SHISA9: variants seen among roughly 807,000 people sequenced by gnomAD.
SHISA9 encodes protein shisa-9.
A neutral mutation model predicts 38.0 loss-of-function variants in SHISA9; 13 were observed. The observed-to-expected ratio is 0.34, with a 90% CI of 0.22 to 0.54. SHISA9 has a LOEUF of 0.54. Among genes scored for constraint, SHISA9 ranks in the 20% least tolerant of loss-of-function variants. The pLI, the probability that SHISA9 is intolerant of heterozygous loss-of-function variation, is 0.91. For missense variants in SHISA9, 538 were observed against 575.8 expected (o/e 0.93, Z 0.67); for synonymous variants, 275 against 242.0 (o/e 1.14, Z -1.27).
At position 13,160,559 on chromosome 16, in the gene SHISA9, C is replaced by T. The variant is rs1204823311; in HGVS notation, c.692-42835C>T. ...GTTCTACACTGGGTTAGGTGGGATG[C>T]ATCTAAGTTGGGTCACGTTTTGTCA... On this transcript the variant is annotated intron_variant, in intron 2 of 4. Transcript: ENST00000558583. Among the ~76,000 whole-genome samples the T allele has an allele frequency of 3.9e-5, 6 of 152,274 alleles. 1 individual carries two copies. In the South Asian group the frequency reaches 6.2e-4, roughly 16 times the overall value.
the SHISA9 span, among the ~76,000 whole-genome samples, chr16:13,292,413 C>T: frequency 9.9e-5 from 15 of 152,174 alleles, no homozygotes; most frequent in African/African-American, 2.6e-4. Context: ...AATAACCTTG[C>T]GTTTATGTTT....
In SHISA9 at chr16:13,203,388, T is replaced by C; in HGVS notation, c.692-6T>C. 1 of 1,524,046 alleles carries C rather than the reference T, an allele frequency of 6.6e-7. No homozygotes were observed. Among genetic ancestry groups the C allele is most frequent in the African/African-American group, 1.4e-5 (1 of 72,250 alleles). 94.4% of individuals were successfully genotyped at this position (1,524,046 alleles called of 1,614,324 possible). On this transcript the variant is annotated splice_region_variant and splice_polypyrimidine_tract_variant and intron_variant, in intron 2 of 4. Transcript: ENST00000558583. ...TGACAATCTCCTTCTGTGTCTTCACTTCCAGATGCCACCCAGATGAACAAC... is the reference window on the plus strand; with the variant it reads ...TGACAATCTCCTTCTGTGTCTTCACCTCCAGATGCCACCCAGATGAACAAC...
chr16:13,414,152 C>G, the SHISA9 span, among the ~76,000 whole-genome samples: 1 of 152,156 alleles, frequency 6.6e-6, no homozygotes, highest in Non-Finnish European at 1.5e-5. Flanking sequence ...GTTAGGTGTA[C>G]TAAAATATGT....
At chr16:13,079,851 A>G (rs2073627011) in intron 2 of SHISA9, among the ~76,000 whole-genome samples, 1 of 152,198 alleles carries the variant, frequency 6.6e-6, no homozygotes, top group Non-Finnish European at 1.5e-5. Flanking sequence ...GTGTGAAATG[A>G]TTGTTTTTTT....
the SHISA9 span, among the ~76,000 whole-genome samples, chr16:13,277,964 TG>T: frequency 2.0e-5 from 3 of 151,930 alleles, no homozygotes; most frequent in Non-Finnish European, 4.4e-5. Context: ...TGAAGAGGAG[TG>T]GTGAGAGTGG....
chr16:13,144,396 C>A (rs1356809816), intron 2 of SHISA9, among the ~76,000 whole-genome samples: 1 of 152,056 alleles, frequency 6.6e-6, no homozygotes, highest in Non-Finnish European at 1.5e-5. Flanking sequence ...CATGATCTAC[C>A]TGCCTCGGCC....
At chr16:13,560,865 T>G in the SHISA9 span, among the ~76,000 whole-genome samples, 1 of 152,120 alleles carries the variant, frequency 6.6e-6, no homozygotes, top group African/African-American at 2.4e-5. Flanking sequence ...AACTTTTTTT[T>G]GTTTTGTTTT....
chr16:13,169,940 T>C (rs968940567), intron 2 of SHISA9, among the ~76,000 whole-genome samples: 1 of 152,032 alleles, frequency 6.6e-6, no homozygotes, highest in Non-Finnish European at 1.5e-5. Flanking sequence ...CGGTGGCTCA[T>C]CCCTATAATC....
At chr16:13,202,807 A>G (rs987570571) in intron 2 of SHISA9, among the ~76,000 whole-genome samples, 1 of 152,244 alleles carries the variant, frequency 6.6e-6, no homozygotes, top group African/African-American at 2.4e-5. Context: ...TTACATTCTG[A>G]TGCTTTTATT....
chr16:13,247,725 T>C, the SHISA9 span, among the ~76,000 whole-genome samples: 1 of 152,210 alleles, frequency 6.6e-6, no homozygotes, highest in Non-Finnish European at 1.5e-5. Context: ...CATCAAGAAA[T>C]GTCATGGTTG....
chr16:13,088,844 T>C (rs1295342415), intron 2 of SHISA9, among the ~76,000 whole-genome samples: 2 of 152,342 alleles, frequency 1.3e-5, no homozygotes, highest in South Asian at 2.1e-4. Context: ...CTTCCAACAC[T>C]ATGTTGAATA....
the SHISA9 span, among the ~76,000 whole-genome samples, chr16:13,402,400 C>A: frequency 6.6e-6 from 1 of 151,998 alleles, no homozygotes; most frequent in Non-Finnish European, 1.5e-5. Flanking sequence ...AAGGGTAGGA[C>A]AAGAAGGACA....
chr16:12,970,467 GTGTATATATATATATA>G (rs1174451658), intron 2 of SHISA9, among the ~76,000 whole-genome samples: 11 of 23,630 alleles, frequency 4.7e-4, no homozygotes, highest in African/African-American at 1.2e-3. Flanking sequence ...ATATATGTGT[GTGTATATATATATATA>G]TATATATATA....
intron 4 of SHISA9, among the ~76,000 whole-genome samples, chr16:13,215,412 T>C (rs17246453): frequency 0.074 from 11,291 of 152,228 alleles, 558 homozygotes; most frequent in Non-Finnish European, 0.11. Flanking sequence ...GAGAGACAGA[T>C]TTTTGGGTTT....
intron 2 of SHISA9, among the ~76,000 whole-genome samples, chr16:13,089,778 G>T (rs1334711495): frequency 6.6e-6 from 1 of 152,038 alleles, no homozygotes; most frequent in Admixed American, 6.6e-5. Context: ...ATTTTTTGAA[G>T]TGTTTTTTGT....
chr16:13,027,439 T>C (rs2072936513), intron 2 of SHISA9, among the ~76,000 whole-genome samples: 1 of 152,142 alleles, frequency 6.6e-6, no homozygotes, highest in South Asian at 2.1e-4. Flanking sequence ...ATTTTACTCC[T>C]CTGTATCTAT....
chr16:13,551,421 G>A, the SHISA9 span, among the ~76,000 whole-genome samples: 1 of 152,134 alleles, frequency 6.6e-6, no homozygotes, highest in African/African-American at 2.4e-5. Flanking sequence ...AAGTACATGA[G>A]TACATGAATG....
the SHISA9 span, among the ~76,000 whole-genome samples, chr16:13,298,235 C>T: frequency 6.6e-6 from 1 of 152,060 alleles, no homozygotes; most frequent in African/African-American, 2.4e-5. Context: ...TCAGTTAGTT[C>T]AGAAGTTCAG....
intron 2 of SHISA9, among the ~76,000 whole-genome samples, chr16:13,077,207 C>T (rs2073592422): frequency 6.6e-6 from 1 of 152,012 alleles, no homozygotes; most frequent in African/African-American, 2.4e-5. Context: ...TCTCTGTCTC[C>T]TCTGTTTCTA....
Sources: gnomAD v4.1 joint callset for allele counts (sites outside exome capture counted in the v4.1 genomes callset) on GRCh38, gnomAD v4.1.1 for gene constraint, MANE v1.5 for transcripts, NCBI Gene and HGNC (gene_info 2026-07-23, HGNC 2026-07-21) for gene names.